Variants in RYR3 observed in about 807,000 individuals in gnomAD.
RYR3 encodes ryanodine receptor 3.
In RYR3, 207 loss-of-function variants were observed where a neutral mutation model predicts 584.3. The ratio of observed to expected loss-of-function variants is 0.35; its 90% CI spans 0.32 to 0.40. RYR3 has a LOEUF of 0.40. Ranked by LOEUF, RYR3 falls within the 10% of genes least tolerant of loss-of-function variation. The pLI, the probability that RYR3 is intolerant of heterozygous loss-of-function variation, is 1.00. For synonymous variants in RYR3, 2,416 were observed against 2,248.5 expected, an observed-to-expected ratio of 1.07 and a Z score of -2.11; for missense variants, 5,616 against 6,089.2, an observed-to-expected ratio of 0.92 and a Z score of 2.59.
intron 2 of RYR3, among the ~76,000 whole-genome samples, chr15:33,481,419 T>C (rs973297157): frequency 6.6e-6 from 1 of 152,182 alleles, no homozygotes; most frequent in African/African-American, 2.4e-5. Context: ...AGTAAAGTTA[T>C]GACATTTTAT....
chr15:33,780,674 T>C (rs1460193675), intron 65 of RYR3, among the ~76,000 whole-genome samples: 2 of 152,172 alleles, frequency 1.3e-5, no homozygotes, highest in African/African-American at 4.8e-5. Flanking sequence ...ACTCCTTTTT[T>C]GCAGTGCCTC....
At chr15:33,781,450 G>A (rs1425788360) in intron 65 of RYR3, among the ~76,000 whole-genome samples, 9 of 152,178 alleles carry the variant, frequency 5.9e-5, no homozygotes, top group East Asian at 1.9e-4. Context: ...ATTCCATTTA[G>A]TTCAAGCCCC....
intron 42 of RYR3, 45 bp downstream of exon 42, chr15:33,701,125 T>C: frequency 7.8e-7 from 1 of 1,281,710 alleles, no homozygotes. Context: ...CTTCGGCCTG[T>C]AGTGCAGCTA....
chr15:33,613,092 TC>T (rs2060277123), intron 18 of RYR3, 90 bp from the exon 19 acceptor site: 2 of 919,766 alleles, frequency 2.2e-6, no homozygotes, highest in African/African-American at 1.6e-5. Flanking sequence ...CCATCACACC[TC>T]CCCACCTCCC....
At chr15:33,455,294 G>A (rs1196186180) in intron 1 of RYR3, among the ~76,000 whole-genome samples, 2 of 151,850 alleles carry the variant, frequency 1.3e-5, no homozygotes, top group Admixed American at 6.6e-5. Flanking sequence ...AGGACCGGCA[G>A]CCTGCAATCT....
intron 43 of RYR3, chr15:33,722,396 T>C: frequency 2.9e-6 from 1 of 339,996 alleles, no homozygotes. Context: ...TCTGTAATGG[T>C]GGATCTTAAT....
intron 47 of RYR3, among the ~76,000 whole-genome samples, chr15:33,729,762 T>G (rs12910679): frequency 0.14 from 20,546 of 151,930 alleles, 1,516 homozygotes; most frequent in East Asian, 0.29. Context: ...ACAAACTAGA[T>G]CTGCGTAAGT....
chr15:33,637,898 C>T (rs2061581600), intron 27 of RYR3, among the ~76,000 whole-genome samples: 2 of 152,044 alleles, frequency 1.3e-5, no homozygotes, highest in South Asian at 4.1e-4. Flanking sequence ...GTGTGCTGCA[C>T]CCATTAACTC....
chr15:33,526,589 C>T (rs2054407664), intron 3 of RYR3, among the ~76,000 whole-genome samples: 1 of 151,774 alleles, frequency 6.6e-6, no homozygotes, highest in Non-Finnish European at 1.5e-5. Flanking sequence ...AGTTCAAATC[C>T]AAACACGTTG....
chr15:33,329,232 G>A (rs1970100168), intron 1 of RYR3, among the ~76,000 whole-genome samples: 1 of 152,102 alleles, frequency 6.6e-6, no homozygotes, highest in African/African-American at 2.4e-5. Flanking sequence ...TTACATATGG[G>A]TAAGAACTCG....
At chr15:33,472,179 C>G (rs974643296) in intron 1 of RYR3, among the ~76,000 whole-genome samples, 3 of 152,170 alleles carry the variant, frequency 2.0e-5, no homozygotes, top group African/African-American at 4.8e-5. Flanking sequence ...TTCCACTCTT[C>G]GTTTCATACA....
chr15:33,459,255 A>C (rs188460542), intron 1 of RYR3, among the ~76,000 whole-genome samples: 24 of 152,344 alleles, frequency 1.6e-4, no homozygotes, highest in Admixed American at 1.5e-3. Context: ...TAGGCTCATC[A>C]AAAGGAGAAA....
intron 1 of RYR3, among the ~76,000 whole-genome samples, chr15:33,458,604 A>G (rs1366632606): frequency 2.0e-5 from 3 of 152,188 alleles, no homozygotes; most frequent in Non-Finnish European, 4.4e-5. Context: ...TTCTCAGTTC[A>G]TTGTAAGTTC....
chr15:33,600,721 T>G (rs1052712304), intron 16 of RYR3, among the ~76,000 whole-genome samples: 22 of 152,024 alleles, frequency 1.4e-4, no homozygotes, highest in African/African-American at 5.3e-4. Flanking sequence ...AAAGGGTATC[T>G]TCATGAGTTT....
chr15:33,767,455 C>T (rs1431302110), intron 60 of RYR3, among the ~76,000 whole-genome samples: 1 of 152,176 alleles, frequency 6.6e-6, no homozygotes. Flanking sequence ...CACTGCAAGA[C>T]CAATTAACTA....
rs148747698 is a variant in RYR3, at chr15:33,686,469, G to A, written c.5861-9749G>A. On this transcript the variant is annotated intron_variant, in intron 38 of 103. Coordinates refer to ENST00000634891, the MANE Select transcript of RYR3 (RefSeq NM_001036.6). ...AACCAAAAAAAGTCCAGGACCAGAC[G>A]AATTCACAGCCGAATTCTACCAGAG... Among the ~76,000 whole-genome samples, 1,005 of 152,246 alleles carry A rather than the reference G, an allele frequency of 6.6e-3. 9 individuals carry two copies. The highest frequency in any genetic ancestry group is 0.023 in the African/African-American group (941 of 41,526).
intron 60 of RYR3, among the ~76,000 whole-genome samples, chr15:33,763,510 A>G (rs2072696638): frequency 6.6e-6 from 1 of 152,180 alleles, no homozygotes; most frequent in African/African-American, 2.4e-5. Flanking sequence ...CAAACATATG[A>G]AAAAAGCTCA....
intron 1 of RYR3, among the ~76,000 whole-genome samples, chr15:33,453,352 A>G (rs1177325769): frequency 6.6e-6 from 1 of 152,226 alleles, no homozygotes; most frequent in Non-Finnish European, 1.5e-5. Flanking sequence ...CAGCTTTAAA[A>G]GTACTTTAGC....
At chr15:33,650,717 C>G (rs1030788494) in intron 31 of RYR3, among the ~76,000 whole-genome samples, 1 of 152,146 alleles carries the variant, frequency 6.6e-6, no homozygotes, top group Non-Finnish European at 1.5e-5. Context: ...GAAATGTCAG[C>G]CTTCCCTATA....
Sources: gnomAD v4.1 joint callset for allele counts (sites outside exome capture counted in the v4.1 genomes callset) on GRCh38, gnomAD v4.1.1 for gene constraint, MANE v1.5 for transcripts, NCBI Gene and HGNC (gene_info 2026-07-23, HGNC 2026-07-21) for gene names.